SIDT1: variants seen among roughly 807,000 people sequenced by gnomAD.
The protein encoded by SIDT1 is SID1 transmembrane family, member 1.
A neutral mutation model predicts 107.5 loss-of-function variants in SIDT1; 101 were observed. The observed-to-expected ratio is 0.94, with a 90% CI of 0.80 to 1.11. The LOEUF (loss-of-function observed/expected upper bound fraction) is 1.11. Ranked by LOEUF, SIDT1 falls within the 50% of genes least tolerant of loss-of-function variation. SIDT1 has a pLI of 0.00. For missense variants in SIDT1, 1,076 were observed against 1,058.2 expected (o/e 1.02, Z -0.23); for synonymous variants, 395 against 398.2 (o/e 0.99, Z 0.10).
chr3:113,607,166 C>G, intron 15 of SIDT1, 52 bp downstream of exon 15: 2 of 1,064,258 alleles, frequency 1.9e-6, no homozygotes, highest in Non-Finnish European at 2.8e-6. Context: ...GCCTTTCTGT[C>G]TAATGTTGTG....
chr3:113,623,812 A>G (rs1946652449), intron 23 of SIDT1, 79 bp downstream of exon 23: 5 of 920,638 alleles, frequency 5.4e-6, no homozygotes. Context: ...CCCTCTCTTA[A>G]TGTGTTTTCA....
At chr3:113,619,349 A>T (rs1346105571) in intron 20 of SIDT1, among the ~76,000 whole-genome samples, 1 of 152,190 alleles carries the variant, frequency 6.6e-6, no homozygotes, top group South Asian at 2.1e-4. Context: ...AATTCTCTCA[A>T]TTCTGTAATC....
chr3:113,630,604 T>C (rs9882193), downstream of SIDT1, among the ~76,000 whole-genome samples: 58,342 of 151,956 alleles, frequency 0.38, 11,257 homozygotes, highest in African/African-American at 0.46. Flanking sequence ...CCAAAACTCA[T>C]GGGAAAGGGA....
At chr3:113,556,621 A>G (rs916676347) in intron 1 of SIDT1, among the ~76,000 whole-genome samples, 1 of 152,190 alleles carries the variant, frequency 6.6e-6, no homozygotes, top group Non-Finnish European at 1.5e-5. Context: ...GCTCCAAACC[A>G]GAAGTGGTTT....
chr3:113,533,831 C>A (rs573854728), intron 1 of SIDT1, among the ~76,000 whole-genome samples: 1 of 152,136 alleles, frequency 6.6e-6, no homozygotes, highest in African/African-American at 2.4e-5. Flanking sequence ...TGGGCAAAGA[C>A]GTGAGAACTG....
At chr3:113,540,756 A>C (rs1308251454) in intron 1 of SIDT1, among the ~76,000 whole-genome samples, 1 of 152,222 alleles carries the variant, frequency 6.6e-6, no homozygotes, top group Admixed American at 6.5e-5. Context: ...TAAGGTATAA[A>C]ATAAATTGTT....
downstream of SIDT1, chr3:113,629,689 A>T (rs921910041): frequency 6.6e-6 from 1 of 152,266 alleles, no homozygotes; most frequent in Non-Finnish European, 1.5e-5. Flanking sequence ...CCTGTGGCTG[A>T]AGCGAATAAA....
chr3:113,577,570 A>G (rs1943001470), intron 4 of SIDT1, among the ~76,000 whole-genome samples: 1 of 152,252 alleles, frequency 6.6e-6, no homozygotes, highest in African/African-American at 2.4e-5. Context: ...CAAATAGAAT[A>G]AATACATGAA....
chr3:113,561,673 A>G (rs1375460442), intron 1 of SIDT1, among the ~76,000 whole-genome samples: 1 of 152,210 alleles, frequency 6.6e-6, no homozygotes, highest in East Asian at 1.9e-4. Context: ...ATCCATGTAC[A>G]TCAGAATCCC....
chr3:113,583,146 C>T (rs1209618095), intron 6 of SIDT1, among the ~76,000 whole-genome samples: 1 of 152,106 alleles, frequency 6.6e-6, no homozygotes, highest in Non-Finnish European at 1.5e-5. Context: ...TATTATAGTT[C>T]TAAGCTCTCA....
intron 10 of SIDT1, among the ~76,000 whole-genome samples, chr3:113,597,805 C>T (rs1944679764): frequency 6.6e-6 from 1 of 152,198 alleles, no homozygotes; most frequent in Admixed American, 6.6e-5. Context: ...AGATCATTCA[C>T]AATCGTAAGT....
At chr3:113,561,951 C>G (rs897357196) in intron 1 of SIDT1, among the ~76,000 whole-genome samples, 1 of 152,140 alleles carries the variant, frequency 6.6e-6, no homozygotes, top group African/African-American at 2.4e-5. Context: ...ACTGCTATAG[C>G]TTTTAAGCCA....
chr3:113,624,848 G>A (rs1353918123), intron 23 of SIDT1, among the ~76,000 whole-genome samples: 1 of 152,184 alleles, frequency 6.6e-6, no homozygotes, highest in Non-Finnish European at 1.5e-5. Flanking sequence ...TTCCATACGT[G>A]TTGCTGCAAA....
rs1014190728 is a variant in SIDT1 at position 113,562,245 on chromosome 3, A to G, written c.223-4175A>G. On this transcript the variant is annotated intron_variant, in intron 1 of 24. Coordinates refer to ENST00000264852, the MANE Select transcript of SIDT1 (RefSeq NM_017699.3). ...GATGTAGAGAAACTGGAGCCCTTAT[A>G]TATTGCTTGCTAGGTAAATTACTGG... Among the ~76,000 whole-genome samples, 89 of 152,252 alleles carry G rather than the reference A, an allele frequency of 5.8e-4. 1 individual carries two copies. The highest frequency in any genetic ancestry group is 3.7e-4 in the Non-Finnish European group (25 of 68,034).
the SIDT1 span, among the ~76,000 whole-genome samples, chr3:113,636,725 C>T: frequency 1.3e-5 from 2 of 152,300 alleles, no homozygotes; most frequent in South Asian, 4.1e-4. Context: ...AGTTAACCAA[C>T]CTACCTGACT....
intron 10 of SIDT1, among the ~76,000 whole-genome samples, chr3:113,596,493 G>T (rs986208310): frequency 6.6e-6 from 1 of 152,224 alleles, no homozygotes; most frequent in Non-Finnish European, 1.5e-5. Flanking sequence ...TGGAGCCTGG[G>T]TGAGATGGAA....
chr3:113,623,700 A>C lies in SIDT1; in HGVS notation c.2274A>C (p.Leu758=), dbSNP rs143958927. The C allele has an allele frequency of 6.2e-7, 1 of 1,613,864 alleles. No individual in the cohort carries two copies. The highest frequency in any genetic ancestry group is 8.5e-7 in the Non-Finnish European group (1 of 1,179,928). The change falls in exon 23 of 25, where the codon CTA becomes CTC. Residue 758 remains leucine (L), a synonymous_variant. Coordinates refer to ENST00000264852, the MANE Select transcript of SIDT1 (RefSeq NM_017699.3). ...CCGCTGTGATGTGGGCTGCCGCCCT[A>C]TATTTTTTCTTCCAGAATCTCAGCA... ...VATAVMWAAA[L]YFFFQNLSSW...
intron 1 of SIDT1, among the ~76,000 whole-genome samples, chr3:113,557,857 G>A (rs1371557569): frequency 1.3e-5 from 2 of 152,182 alleles, no homozygotes; most frequent in East Asian, 1.9e-4. Context: ...AACTTCACCT[G>A]GGTCCCCTGG....
At chr3:113,605,051 G>C in intron 14 of SIDT1, 75 bp downstream of exon 14, 1 of 1,494,908 alleles carries the variant, frequency 6.7e-7, no homozygotes, top group Non-Finnish European at 9.2e-7. Flanking sequence ...GTGACTGACA[G>C]AGAGAGGTAC....
Sources: gnomAD v4.1 joint callset for allele counts (sites outside exome capture counted in the v4.1 genomes callset) on GRCh38, gnomAD v4.1.1 for gene constraint, MANE v1.5 for transcripts, NCBI Gene and HGNC (gene_info 2026-07-23, HGNC 2026-07-21) for gene names.